HS6ST3: variants seen among roughly 807,000 people sequenced by gnomAD.
HS6ST3 encodes the protein heparan sulfate 6-O-sulfotransferase 3.
A neutral mutation model predicts 36.7 loss-of-function variants in HS6ST3; 12 were observed. That is an observed-to-expected ratio of 0.33 (90% CI 0.21 to 0.53). The LOEUF (loss-of-function observed/expected upper bound fraction) is 0.53. Ranked by LOEUF, HS6ST3 falls within the 20% of genes least tolerant of loss-of-function variation. The pLI, the probability that HS6ST3 is intolerant of heterozygous loss-of-function variation, is 0.95. For missense variants in HS6ST3, 584 were observed against 640.9 expected (o/e 0.91, Z 0.96); for synonymous variants, 240 against 257.5 (o/e 0.93, Z 0.65).
chr13:96,403,221 T>C (rs2055460519), intron 1 of HS6ST3, among the ~76,000 whole-genome samples: 1 of 152,250 alleles, frequency 6.6e-6, no homozygotes, highest in Non-Finnish European at 1.5e-5. Flanking sequence ...TGCTAATTTT[T>C]AATTGATTCA....
chr13:96,697,953 T>C (rs1875175940), intron 1 of HS6ST3, among the ~76,000 whole-genome samples: 1 of 152,186 alleles, frequency 6.6e-6, no homozygotes, highest in South Asian at 2.1e-4. Flanking sequence ...TGACTACTTA[T>C]TTCATTTGTC....
Position 96,425,571 on chromosome 13 carries a change from T to TC in HS6ST3, c.707+334003dup, listed in dbSNP as rs139421989. Reference sequence around the variant, plus strand: ...AAAAAATGAAAAATCAATATTTGCATCTTTAAATCATAGATATGCAAAATA... The same window carrying TC: ...AAAAAATGAAAAATCAATATTTGCATCCTTTAAATCATAGATATGCAAAATA... On this transcript the variant is annotated intron_variant, in intron 1 of 1. Coordinates refer to ENST00000376705, the MANE Select transcript of HS6ST3 (RefSeq NM_153456.4). Among the ~76,000 whole-genome samples, 1,209 of 152,292 alleles carry TC rather than the reference T, an allele frequency of 7.9e-3. 16 individuals carry two copies. Among genetic ancestry groups the TC allele is most frequent in the African/African-American group, 0.027 (1,125 of 41,548 alleles).
chr13:96,222,098 TA>T (rs1170089675), intron 1 of HS6ST3, among the ~76,000 whole-genome samples: 2 of 152,226 alleles, frequency 1.3e-5, no homozygotes, highest in African/African-American at 4.8e-5. Flanking sequence ...AAATCAAAGA[TA>T]TTTTTCCTTG....
intron 1 of HS6ST3, among the ~76,000 whole-genome samples, chr13:96,813,536 G>A (rs1012952365): frequency 3.3e-5 from 5 of 152,094 alleles, no homozygotes; most frequent in South Asian, 2.1e-4. Flanking sequence ...TCTCTATCAC[G>A]CAGCAATATA....
At chr13:96,364,144 G>A (rs555339666) in intron 1 of HS6ST3, among the ~76,000 whole-genome samples, 2 of 152,232 alleles carry the variant, frequency 1.3e-5, no homozygotes, top group South Asian at 4.1e-4. Context: ...GTGTTGGCAA[G>A]TATGTAGAAA....
intron 1 of HS6ST3, among the ~76,000 whole-genome samples, chr13:96,267,438 TTAAATC>T (rs548965770): frequency 1.3e-5 from 2 of 152,200 alleles, no homozygotes; most frequent in African/African-American, 2.4e-5. Flanking sequence ...TTCTAAATCT[TTAAATC>T]TAATAAATTT....
At chr13:96,138,787 C>T (rs1007326761) in intron 1 of HS6ST3, among the ~76,000 whole-genome samples, 2 of 151,770 alleles carry the variant, frequency 1.3e-5, no homozygotes, top group African/African-American at 4.8e-5. Context: ...GAAGTACTTA[C>T]GTGAGATACA....
intron 1 of HS6ST3, among the ~76,000 whole-genome samples, chr13:96,664,873 A>C (rs1448255600): frequency 6.6e-6 from 1 of 152,040 alleles, no homozygotes; most frequent in African/African-American, 2.4e-5. Context: ...GCATTCTCTC[A>C]TTAATAAACA....
intron 1 of HS6ST3, among the ~76,000 whole-genome samples, chr13:96,433,025 T>C (rs2055623520): frequency 6.6e-6 from 1 of 152,192 alleles, no homozygotes; most frequent in Admixed American, 6.5e-5. Flanking sequence ...TAATAAATAG[T>C]AAGAAAAATG....
intron 1 of HS6ST3, among the ~76,000 whole-genome samples, chr13:96,317,245 C>T (rs566496236): frequency 1.2e-4 from 18 of 149,966 alleles, no homozygotes; most frequent in African/African-American, 3.9e-4. Context: ...CATTAATTCA[C>T]TTAGGATTAT....
chr13:96,388,606 G>A (rs2055380270), intron 1 of HS6ST3, among the ~76,000 whole-genome samples: 1 of 152,138 alleles, frequency 6.6e-6, no homozygotes, highest in African/African-American at 2.4e-5. Flanking sequence ...CTTTTTTAAA[G>A]TTCCTGGAAT....
At chr13:96,438,873 C>G (rs753313168) in intron 1 of HS6ST3, among the ~76,000 whole-genome samples, 3 of 152,036 alleles carry the variant, frequency 2.0e-5, no homozygotes, top group Non-Finnish European at 4.4e-5. Context: ...TGAGACCAGC[C>G]TAGCCAACAT....
chr13:96,317,566 G>C (rs901156004), intron 1 of HS6ST3, among the ~76,000 whole-genome samples: 3 of 150,826 alleles, frequency 2.0e-5, no homozygotes, highest in Non-Finnish European at 4.4e-5. Flanking sequence ...TTTTCCTTTG[G>C]GTATATACTT....
At chr13:96,151,382 C>T (rs1355828381) in intron 1 of HS6ST3, among the ~76,000 whole-genome samples, 2 of 142,870 alleles carry the variant, frequency 1.4e-5, no homozygotes, top group South Asian at 2.4e-4. Flanking sequence ...CCAGCCTGGG[C>T]GGCAGAGCAA....
chr13:96,458,414 G>C (rs2055764731), intron 1 of HS6ST3, among the ~76,000 whole-genome samples: 1 of 152,090 alleles, frequency 6.6e-6, no homozygotes, highest in African/African-American at 2.4e-5. Context: ...GTTTTTCTTA[G>C]ATATTTTCTG....
intron 1 of HS6ST3, among the ~76,000 whole-genome samples, chr13:96,630,899 A>G (rs1214155825): frequency 2.0e-5 from 3 of 152,046 alleles, no homozygotes; most frequent in African/African-American, 4.8e-5. Flanking sequence ...AGTCCTTTCT[A>G]TGTTGTCTTT....
intron 1 of HS6ST3, among the ~76,000 whole-genome samples, chr13:96,708,917 G>A (rs116678037): frequency 0.013 from 1,997 of 152,262 alleles, 39 homozygotes; most frequent in African/African-American, 0.045. Flanking sequence ...GTTCCTAAAC[G>A]TTGTCTCTTC....
intron 1 of HS6ST3, among the ~76,000 whole-genome samples, chr13:96,451,498 T>G (rs1253293165): frequency 6.6e-6 from 1 of 152,180 alleles, no homozygotes; most frequent in East Asian, 1.9e-4. Flanking sequence ...ACTTCAGGAT[T>G]TTAGCGAAAT....
intron 1 of HS6ST3, among the ~76,000 whole-genome samples, chr13:96,534,793 T>C (rs1166016369): frequency 6.6e-6 from 1 of 152,122 alleles, no homozygotes; most frequent in African/African-American, 2.4e-5. Context: ...ACCCTGTCTC[T>C]ACTAAAGATA....
Sources: allele counts gnomAD v4.1 joint callset (sites outside exome capture counted in the v4.1 genomes callset), GRCh38; gene constraint gnomAD v4.1.1; transcripts MANE v1.5; gene names NCBI Gene and HGNC (gene_info 2026-07-23, HGNC 2026-07-21).